The following ACLY variants were observed in gnomAD, a reference collection of about 807,000 sequenced individuals.
ACLY encodes ATP-citrate synthase.
A neutral mutation model predicts 133.0 loss-of-function variants in ACLY; 41 were observed. The ratio of observed to expected loss-of-function variants is 0.31; its 90% CI spans 0.24 to 0.40. The LOEUF (loss-of-function observed/expected upper bound fraction) is 0.40. Ranked by LOEUF, ACLY falls within the 10% of genes least tolerant of loss-of-function variation. ACLY has a pLI of 1.00. For missense variants in ACLY, 1,046 were observed against 1,453.8 expected, an observed-to-expected ratio of 0.72 and a Z score of 4.56; for synonymous variants, 495 against 549.3, an observed-to-expected ratio of 0.90 and a Z score of 1.38.
intron 4 of ACLY, 81 bp from the exon 5 acceptor site, chr17:41,909,781 T>A (rs782752586): frequency 1.9e-5 from 25 of 1,316,812 alleles, no homozygotes; most frequent in Non-Finnish European, 2.4e-5. Flanking sequence ...GGGAAGATGG[T>A]CTACCATGTA....
chr17:41,898,698 A>G lies in ACLY; in HGVS notation c.1271T>C (p.Ile424Thr), dbSNP rs1407559490. ...GGCCGCTGTGGGTGGCTGGTTGGGG[A>G]TGGGCCGGTGGCCCAGGGCCATGCC... ...IVGMALGHRP[I>T]PNQPPTAAHT... is the part of the protein sequence containing the mutation. The change falls in exon 12 of 29, where the codon ATC (isoleucine) becomes ACC (threonine). Residue 424 changes from isoleucine (I) to threonine (T), a missense_variant. By Grantham distance (89) the Ile-to-Thr change is moderately conservative. This residue lies in a region of ACLY where 575 missense variants were observed against 804.2 expected (regional missense o/e 0.71). Coordinates refer to ENST00000352035, the MANE Select transcript of ACLY (RefSeq NM_001096.3). 1 of 1,613,830 alleles carries G rather than the reference A, an allele frequency of 6.2e-7. No individual in the cohort carries two copies.
chr17:41,891,011 G>A (rs1243534101), intron 16 of ACLY, among the ~76,000 whole-genome samples: 1 of 151,738 alleles, frequency 6.6e-6, no homozygotes, highest in Non-Finnish European at 1.5e-5. Flanking sequence ...ATAAAATAAA[G>A]TGCTTTAATC....
chr17:41,884,841 A>G (rs1206984816), intron 18 of ACLY, among the ~76,000 whole-genome samples: 4 of 152,144 alleles, frequency 2.6e-5, no homozygotes, highest in Non-Finnish European at 5.9e-5. Flanking sequence ...AAAACAAACA[A>G]ACAAACAAAA....
intron 22 of ACLY, 49 bp from the exon 23 acceptor site, chr17:41,874,014 G>A: frequency 6.5e-7 from 1 of 1,532,898 alleles, no homozygotes; most frequent in Non-Finnish European, 8.8e-7. Context: ...GACCACCACA[G>A]ATTTTTCCAG....
upstream of ACLY, among the ~76,000 whole-genome samples, chr17:41,920,630 G>A: frequency 6.6e-6 from 1 of 151,144 alleles, no homozygotes; most frequent in African/African-American, 2.4e-5. Context: ...CTCCAGGCAA[G>A]GCATGCTGTC....
intron 1 of ACLY, among the ~76,000 whole-genome samples, chr17:41,915,188 T>C (rs2050019377): frequency 6.6e-6 from 1 of 152,170 alleles, no homozygotes; most frequent in South Asian, 2.1e-4. Context: ...GACTCTGTCC[T>C]GATACACCCA....
rs367887771 is a variant in ACLY at position 41,867,840 on chromosome 17, T to C, written c.3276A>G (p.Ser1092=). The C allele has an allele frequency of 4.7e-5, 75 of 1,611,732 alleles. No individual in the cohort carries two copies. The highest frequency in any genetic ancestry group is 1.7e-4 in the Middle Eastern group (1 of 6,054). The change falls in exon 29 of 29, where the codon TCA becomes TCG. Residue 1092 remains serine (S), a synonymous_variant. Transcript: ENST00000352035. The part of the protein sequence containing the change: ...GLYRHPWDDI[S]YVLPEHMSM ...TGCTCATGTGTTCCGGAAGAACATA[T>C]GAAATATCATCCCACGGATGACGAT...
chr17:41,924,464 C>T (rs1555635793), intron 1 of ACLY, among the ~76,000 whole-genome samples: 1 of 151,978 alleles, frequency 6.6e-6, no homozygotes, highest in Non-Finnish European at 1.5e-5. Context: ...TTTTCAAATG[C>T]ATTTTCTGTT....
At chr17:41,894,934 G>A (rs2049324189) in intron 14 of ACLY, among the ~76,000 whole-genome samples, 2 of 152,290 alleles carry the variant, frequency 1.3e-5, no homozygotes, top group Non-Finnish European at 2.9e-5. Flanking sequence ...TTAAATCCCT[G>A]TACAGGCCTG....
chr17:41,898,905 C>A (rs2049447184), intron 11 of ACLY, 120 bp from the exon 12 acceptor site: 3 of 984,568 alleles, frequency 3.0e-6, no homozygotes, highest in Admixed American at 5.5e-5. Context: ...CAGTGCAAGA[C>A]CAATATCCAG....
chr17:41,927,161 TC>T (rs1186906911), intron 1 of ACLY, among the ~76,000 whole-genome samples: 2 of 152,138 alleles, frequency 1.3e-5, no homozygotes, highest in African/African-American at 4.8e-5. Context: ...AGCCACCATG[TC>T]TGGCCAATTT....
At chr17:41,904,816 A>G in intron 9 of ACLY, 26 bp from the exon 10 acceptor site, 1 of 1,606,598 alleles carries the variant, frequency 6.2e-7, no homozygotes, top group Non-Finnish European at 8.5e-7. Flanking sequence ...GAGAGAATCA[A>G]AAACAGTTAC....
upstream of ACLY, among the ~76,000 whole-genome samples, chr17:41,923,869 G>T (rs34683551): frequency 0.035 from 5,285 of 152,134 alleles, 329 homozygotes; most frequent in African/African-American, 0.12. Context: ...GGAGTGCAAT[G>T]GTGTGATCTG....
intron 13 of ACLY, 34 bp from the exon 14 acceptor site, chr17:41,896,683 C>T (rs1555630454): frequency 6.4e-7 from 1 of 1,551,608 alleles, no homozygotes; most frequent in Non-Finnish European, 8.7e-7. Flanking sequence ...AACTGAGTGA[C>T]CCACTGATGG....
chr17:41,869,262 G>A lies in ACLY; in HGVS notation c.3052-137C>T, dbSNP rs1328542796. ...TACCAGCCCCACTGGTCGACACTGTGTCTGACTCAGTTCAATTCCCAGCAT... is the reference window on the plus strand; with the variant it reads ...TACCAGCCCCACTGGTCGACACTGTATCTGACTCAGTTCAATTCCCAGCAT... On this transcript the variant is annotated intron_variant, in intron 26 of 28. Transcript: ENST00000352035. The A allele has an allele frequency of 8.0e-6, 7 of 878,020 alleles. No homozygotes were observed. In the African/African-American group the frequency reaches 1.0e-4, roughly 13 times the overall value. The allele number at this position is 878,020 out of a possible 1,614,324, so 54.4% of individuals were successfully genotyped here.
chr17:41,906,496 C>G, intron 8 of ACLY, 32 bp downstream of exon 8: 1 of 1,585,666 alleles, frequency 6.3e-7, no homozygotes, highest in Non-Finnish European at 8.7e-7. Flanking sequence ...GTAGACTGGG[C>G]TGGCATCCCT....
upstream of ACLY, among the ~76,000 whole-genome samples, chr17:41,920,591 A>C (rs1830149208): frequency 1.4e-4 from 2 of 14,320 alleles, no homozygotes; most frequent in Admixed American, 1.6e-3. Context: ...ATTCTATCTC[A>C]AAAAAAAAAA....
At chr17:41,906,728 C>T in intron 7 of ACLY, 82 bp from the exon 8 acceptor site, 1 of 1,271,568 alleles carries the variant, frequency 7.9e-7, no homozygotes, top group Non-Finnish European at 1.1e-6. Flanking sequence ...CCCCGCTTTC[C>T]CTGGAAGCAC....
At chr17:41,886,335 G>C in intron 17 of ACLY, 27 bp from the exon 18 acceptor site, 2 of 1,575,908 alleles carry the variant, frequency 1.3e-6, no homozygotes, top group Non-Finnish European at 1.7e-6. Context: ...CACAATCAGG[G>C]AGGAAGGTGA....
Sources: allele counts gnomAD v4.1 joint callset (sites outside exome capture counted in the v4.1 genomes callset), GRCh38; gene constraint gnomAD v4.1.1; regional missense constraint gnomAD v4.1.1; transcripts MANE v1.5; gene names NCBI Gene and HGNC (gene_info 2026-07-23, HGNC 2026-07-21).